Variants in CD46 observed in about 807,000 individuals in gnomAD.
The protein encoded by CD46 is membrane cofactor protein.
CD46 carries 30 observed loss-of-function variants against 53.3 expected under a neutral mutation model. The observed-to-expected ratio is 0.56, with a 90% CI of 0.42 to 0.76. CD46 has a LOEUF of 0.76. Ranked by LOEUF, CD46 falls within the 30% of genes least tolerant of loss-of-function variation. The pLI is 0.00. For synonymous variants in CD46, 142 were observed against 152.0 expected (o/e 0.93, Z 0.48); for missense variants, 409 against 463.0 (o/e 0.88, Z 1.07).
intron 8 of CD46, among the ~76,000 whole-genome samples, chr1:207,781,970 A>C (rs1658783148): frequency 6.6e-6 from 1 of 152,060 alleles, no homozygotes; most frequent in South Asian, 2.1e-4. Context: ...TACCATCATC[A>C]GGATTTTCAT....
chr1:207,766,980 TC>T, intron 5 of CD46, 32 bp from the exon 6 acceptor site: 1 of 1,559,462 alleles, frequency 6.4e-7, no homozygotes. Flanking sequence ...AAAGCAGATA[TC>T]CATTAATTCT....
At chr1:207,788,494 G>C (rs1659494189) in intron 11 of CD46, among the ~76,000 whole-genome samples, 1 of 152,108 alleles carries the variant, frequency 6.6e-6, no homozygotes, top group South Asian at 2.1e-4. Context: ...CTCCAGCCTG[G>C]GTGACGGAGT....
chr1:207,777,248 G>A (rs1430368898), intron 8 of CD46, among the ~76,000 whole-genome samples: 2 of 152,124 alleles, frequency 1.3e-5, no homozygotes, highest in African/African-American at 2.4e-5. Context: ...TAAAAGATTA[G>A]TTTTATTTTT....
Position 207,759,641 on chromosome 1 carries a change from A to G in CD46, c.392A>G (p.Tyr131Cys). ...YQMHFICNEG[Y>C]YLIGEEILYC... is the part of the protein sequence containing the mutation. ...TAACCCTTTCTTTTCTCATTTAGTT[A>G]TTACTTAATTGGTGAAGAAATTCTA... The change falls in exon 4 of 13, where the codon TAT (tyrosine) becomes TGT (cysteine). Residue 131 changes from tyrosine to cysteine, a missense_variant and splice_region_variant. Coordinates refer to ENST00000367042, the MANE Select transcript of CD46 (RefSeq NM_172351.3). 1 of 1,519,784 alleles carries G rather than the reference A, an allele frequency of 6.6e-7. No individual in the cohort carries two copies. Among genetic ancestry groups the G allele is most frequent in the Non-Finnish European group, 9.1e-7 (1 of 1,094,930 alleles). 94.1% of individuals were successfully genotyped at this position (1,519,784 alleles called of 1,614,324 possible). A position where few individuals can be genotyped will look rare whatever the true frequency, so the allele number is the denominator to read the frequency against.
rs17006838 is a variant in CD46, at chr1:207,767,571, A to G, written c.857-208A>G. On this transcript the variant is annotated intron_variant, in intron 6 of 12. Transcript: ENST00000367042. The stretch of plus-strand genomic sequence containing the variant: ...AAATGAAATGAGAGCAATAACTCCC[A>G]AGTGGTTGATCTTCTAACATTATTT... 6.6e-4 allele frequency: 1,020 copies of G among 1,535,548 alleles called. 7 individuals are homozygous for G. The African/African-American group carries it at 0.012, about 18-fold the overall frequency.
intron 11 of CD46, among the ~76,000 whole-genome samples, chr1:207,788,801 C>T (rs1659524899): frequency 6.6e-6 from 1 of 152,216 alleles, no homozygotes. Context: ...CAGCCTTCAT[C>T]TCAAAATACA....
At chr1:207,758,066 A>G (rs1477554960) in intron 3 of CD46, among the ~76,000 whole-genome samples, 1 of 152,196 alleles carries the variant, frequency 6.6e-6, no homozygotes, top group Non-Finnish European at 1.5e-5. Flanking sequence ...GTTAGCCTTT[A>G]CCATCATGTT....
At position 207,759,551 on chromosome 1, in the gene CD46, A is replaced by T. The variant is rs1321254497; in HGVS notation, c.390-88A>T. The T allele has an allele frequency of 4.0e-6, 3 of 749,954 alleles. No individual in the cohort carries two copies. In the African/African-American group the frequency reaches 5.3e-5, roughly 13 times the overall value. The allele number at this position is 749,954 out of a possible 1,614,324, so 46.5% of individuals were successfully genotyped here. ...ACCCCCTCAAACTACTGTAGTGTAG[A>T]AAAGAAACCATATAAAAAATTCCTT... On this transcript the variant is annotated intron_variant, in intron 3 of 12. Coordinates refer to ENST00000367042, the MANE Select transcript of CD46 (RefSeq NM_172351.3).
chr1:207,765,706 ACT>A (rs1195072711), intron 5 of CD46, among the ~76,000 whole-genome samples: 2 of 152,140 alleles, frequency 1.3e-5, no homozygotes, highest in Non-Finnish European at 2.9e-5. Flanking sequence ...AGCAGATGAA[ACT>A]CTCATATACT....
intron 8 of CD46, among the ~76,000 whole-genome samples, chr1:207,771,844 T>G (rs1657539070): frequency 6.6e-6 from 1 of 152,206 alleles, no homozygotes; most frequent in South Asian, 2.1e-4. Flanking sequence ...GTCTCCAGCT[T>G]TGTTCTTTTT....
chr1:207,790,317 A>G lies in CD46; in HGVS notation c.*13A>G. 6.3e-7 allele frequency: 1 copy of G among 1,587,546 alleles called. No homozygotes were observed. Among genetic ancestry groups the G allele is most frequent in the Non-Finnish European group, 8.6e-7 (1 of 1,156,164 alleles). On this transcript the variant is annotated 3_prime_UTR_variant, in exon 12 of 13. Transcript: ENST00000367042. Reference sequence around the variant, plus strand: ...TACTTCTCTCTGAGAAGGAGAGATGAGAGAAAGGTTTGCTTTTATCATTAA... The same window carrying G: ...TACTTCTCTCTGAGAAGGAGAGATGGGAGAAAGGTTTGCTTTTATCATTAA...
intron 6 of CD46, 157 bp downstream of exon 6, chr1:207,767,352 G>T: frequency 1.3e-6 from 1 of 760,816 alleles, no homozygotes. Flanking sequence ...TATGCCAGAT[G>T]AATGACACGA....
At chr1:207,775,770 G>A (rs1479964783) in intron 8 of CD46, among the ~76,000 whole-genome samples, 2 of 152,164 alleles carry the variant, frequency 1.3e-5, no homozygotes, top group Non-Finnish European at 2.9e-5. Context: ...ACCTGTTTGA[G>A]GTGTTTGTCG....
intron 8 of CD46, among the ~76,000 whole-genome samples, chr1:207,777,338 T>A (rs578110441): frequency 4.7e-4 from 71 of 152,322 alleles, no homozygotes; most frequent in Admixed American, 7.2e-4. Context: ...CATCTTTTTT[T>A]AAAAAGTTTT....
intron 8 of CD46, among the ~76,000 whole-genome samples, chr1:207,774,449 C>T (rs527776939): frequency 2.6e-5 from 4 of 152,068 alleles, no homozygotes; most frequent in African/African-American, 4.8e-5. Flanking sequence ...TTATTTTGCC[C>T]GTTAACTGAT....
intron 5 of CD46, among the ~76,000 whole-genome samples, chr1:207,762,323 T>A (rs1656310116): frequency 6.6e-6 from 1 of 151,642 alleles, no homozygotes; most frequent in Non-Finnish European, 1.5e-5. Context: ...AAAAGAAAAG[T>A]CTCAAATCAA....
intron 8 of CD46, among the ~76,000 whole-genome samples, chr1:207,772,676 A>T (rs1331612615): frequency 6.6e-6 from 1 of 151,990 alleles, no homozygotes; most frequent in Non-Finnish European, 1.5e-5. Flanking sequence ...TTTTGTTGTT[A>T]GTTCTGTTTT....
chr1:207,793,388 A>G, intron 12 of CD46, 131 bp from the exon 13 acceptor site: 1 of 713,980 alleles, frequency 1.4e-6, no homozygotes, highest in South Asian at 1.7e-5. Context: ...TAAAAGAATA[A>G]TTTATTTCCC....
chr1:207,765,813 A>G (rs965709236), intron 5 of CD46, among the ~76,000 whole-genome samples: 2 of 152,194 alleles, frequency 1.3e-5, no homozygotes, highest in African/African-American at 4.8e-5. Flanking sequence ...CGGCAACCCA[A>G]ATAAACTGAA....
Sources: allele counts gnomAD v4.1 joint callset (sites outside exome capture counted in the v4.1 genomes callset), GRCh38; gene constraint gnomAD v4.1.1; transcripts MANE v1.5; gene names NCBI Gene and HGNC (gene_info 2026-07-23, HGNC 2026-07-21).